PRSS23: variants seen among roughly 807,000 people sequenced by gnomAD.
PRSS23 encodes the protein serine protease 23.
PRSS23 carries 25 observed loss-of-function variants against 34.7 expected under a neutral mutation model. That is an observed-to-expected ratio of 0.72 (90% CI 0.53 to 1.01). PRSS23 has a LOEUF of 1.01. Ranked by LOEUF, PRSS23 falls within the 50% of genes least tolerant of loss-of-function variation. The pLI is 0.00. For missense variants in PRSS23, 445 were observed against 475.6 expected, an observed-to-expected ratio of 0.94 and a Z score of 0.60; for synonymous variants, 176 against 186.6, an observed-to-expected ratio of 0.94 and a Z score of 0.46.
At chr11:86,800,396 G>A (rs925708541), upstream of PRSS23, 3 of 958,236 alleles carry the variant, frequency 3.1e-6, no homozygotes, top group African/African-American at 1.8e-5. Flanking sequence ...CCGCAGGCGA[G>A]CGGCGAGGGG....
intron 2 of PRSS23, among the ~76,000 whole-genome samples, chr11:86,928,705 AATTGGC>A (rs1949101849): frequency 3.9e-5 from 2 of 51,290 alleles, no homozygotes; most frequent in African/African-American, 5.9e-5. Flanking sequence ...AAAAAAAAAA[AATTGGC>A]AAGACATATA....
chr11:86,905,411 G>C (rs1039241467), intron 2 of PRSS23, among the ~76,000 whole-genome samples: 1 of 152,160 alleles, frequency 6.6e-6, no homozygotes, highest in African/African-American at 2.4e-5. Flanking sequence ...GCACATCATT[G>C]ATACTCTTGC....
At chr11:86,906,723 A>G (rs890145631) in intron 2 of PRSS23, among the ~76,000 whole-genome samples, 1 of 152,212 alleles carries the variant, frequency 6.6e-6, no homozygotes, top group African/African-American at 2.4e-5. Flanking sequence ...CTCTATCACT[A>G]GCACTAATGA....
chr11:86,899,065 T>C (rs868306614), intron 2 of PRSS23, among the ~76,000 whole-genome samples: 1 of 152,006 alleles, frequency 6.6e-6, no homozygotes, highest in Non-Finnish European at 1.5e-5. Context: ...TAGGGTAAAG[T>C]TGGGAAGTAT....
intron 2 of PRSS23, among the ~76,000 whole-genome samples, chr11:86,840,978 T>G (rs1255560087): frequency 1.3e-5 from 2 of 152,046 alleles, no homozygotes; most frequent in Non-Finnish European, 2.9e-5. Flanking sequence ...GAGGGAAATT[T>G]ATAGCACTAA....
At chr11:86,914,094 C>T (rs781686665) in intron 2 of PRSS23, among the ~76,000 whole-genome samples, 1 of 147,194 alleles carries the variant, frequency 6.8e-6, no homozygotes, top group Non-Finnish European at 1.5e-5. Flanking sequence ...GACGTGGTGG[C>T]GTGTGCCTGT....
At chr11:86,857,849 G>T (rs1948583279) in intron 2 of PRSS23, 3 of 541,974 alleles carry the variant, frequency 5.5e-6, no homozygotes, top group Admixed American at 2.0e-5. Context: ...ATGGGGGTGT[G>T]GAAGTGGGGG....
intron 2 of PRSS23, among the ~76,000 whole-genome samples, chr11:86,905,405 A>G (rs1948935712): frequency 1.3e-5 from 2 of 152,220 alleles, no homozygotes; most frequent in South Asian, 4.1e-4. Context: ...CCTACGGCAC[A>G]TCATTGATAC....
chr11:86,928,695 A>T (rs1402102750), intron 2 of PRSS23, among the ~76,000 whole-genome samples: 3,605 of 44,100 alleles, frequency 0.082, 475 homozygotes, highest in Non-Finnish European at 0.13. Flanking sequence ...AAAAAAAAAA[A>T]AAAAAAAAAA....
chr11:86,824,462 CT>C (rs945060012), intron 2 of PRSS23, among the ~76,000 whole-genome samples: 96 of 144,034 alleles, frequency 6.7e-4, no homozygotes, highest in East Asian at 2.0e-3. Context: ...GTCTTTTTAT[CT>C]TTTTTTTTTT....
chr11:86,931,665 G>T (rs1348819596), intron 2 of PRSS23, among the ~76,000 whole-genome samples: 1 of 152,174 alleles, frequency 6.6e-6, no homozygotes, highest in African/African-American at 2.4e-5. Flanking sequence ...CAGTTACCCA[G>T]TGTATACAAC....
intron 1 of PRSS23, among the ~76,000 whole-genome samples, chr11:86,817,867 T>A (rs147907163): frequency 1.3e-5 from 2 of 152,316 alleles, no homozygotes; most frequent in Admixed American, 6.5e-5. Flanking sequence ...GAGGGGCTAA[T>A]TGAAGCAAGG....
At chr11:86,854,472 T>C (rs1217881954) in intron 2 of PRSS23, among the ~76,000 whole-genome samples, 1 of 152,256 alleles carries the variant, frequency 6.6e-6, no homozygotes, top group Non-Finnish European at 1.5e-5. Context: ...ATCTTTTCAC[T>C]CAGTTCACAG....
At position 86,951,954 on chromosome 11, in the gene PRSS23, C is replaced by T. The variant is rs759772249; in HGVS notation, c.*669C>T. ...CCTACAGTCAGCCTGACAATATAAG[C>T]AATGCTATAAATATTATAGCACATA... is the stretch of plus-strand genomic sequence containing the variant. On this transcript the variant is annotated 3_prime_UTR_variant, in exon 3 of 3. Transcript: ENST00000533902. 12 of 1,613,728 alleles carry T rather than the reference C, an allele frequency of 7.4e-6. No homozygotes were observed. The South Asian group carries it at 1.3e-4, about 18-fold the overall frequency.
intron 2 of PRSS23, chr11:86,937,665 C>A (rs1230815255): frequency 6.6e-6 from 1 of 152,172 alleles, no homozygotes; most frequent in Non-Finnish European, 1.5e-5. Context: ...AGGAAGTTAC[C>A]CTATATGGTC....
At chr11:86,897,570 T>C (rs1267613328) in intron 2 of PRSS23, among the ~76,000 whole-genome samples, 2 of 152,216 alleles carry the variant, frequency 1.3e-5, no homozygotes, top group Non-Finnish European at 2.9e-5. Context: ...ACTACTGGGC[T>C]CAAGTAATCC....
chr11:86,952,498 C>T, exon 3 of PRSS23: 1 of 1,603,332 alleles, frequency 6.2e-7, no homozygotes, highest in Admixed American at 1.7e-5. Flanking sequence ...TGAACACACA[C>T]AAAAAAAACA....
intron 2 of PRSS23, among the ~76,000 whole-genome samples, chr11:86,861,042 C>T (rs1948609821): frequency 6.6e-6 from 1 of 151,838 alleles, no homozygotes. Context: ...AGGAGGTGTA[C>T]ATCCCTCTGT....
At chr11:86,833,470 CA>C in intron 2 of PRSS23, 1 of 423,418 alleles carries the variant, frequency 2.4e-6, no homozygotes, top group Non-Finnish European at 4.4e-6. Flanking sequence ...ATAGTTCGGA[CA>C]TGTATATATA....
Sources: allele counts gnomAD v4.1 joint callset (sites outside exome capture counted in the v4.1 genomes callset), GRCh38; gene constraint gnomAD v4.1.1; transcripts MANE v1.5; gene names NCBI Gene and HGNC (gene_info 2026-07-23, HGNC 2026-07-21).